NUP85: variants seen among roughly 807,000 people sequenced by gnomAD.
NUP85 encodes the protein nucleoporin 85, also known as nuclear pore complex protein Nup85.
Under a neutral mutation model 92.8 loss-of-function variants are expected in NUP85, and 23 were observed. That is an observed-to-expected ratio of 0.25 (90% CI 0.18 to 0.35). The LOEUF is 0.35. Ranked by LOEUF, NUP85 falls within the 10% of genes least tolerant of loss-of-function variation. The pLI is 1.00. For missense variants in NUP85, 759 were observed against 822.8 expected (o/e 0.92, Z 0.95); for synonymous variants, 314 against 306.9 (o/e 1.02, Z -0.24).
At chr17:75,206,212 G>C (rs1435485775) in intron 1 of NUP85, among the ~76,000 whole-genome samples, 1 of 152,136 alleles carries the variant, frequency 6.6e-6, no homozygotes, top group African/African-American at 2.4e-5. Context: ...TATCTCAGGA[G>C]ACTATTCCTG....
At chr17:75,212,548 G>A (rs2075310167) in intron 4 of NUP85, among the ~76,000 whole-genome samples, 1 of 146,584 alleles carries the variant, frequency 6.8e-6, no homozygotes, top group Non-Finnish European at 1.5e-5. Flanking sequence ...GCTCACTGCA[G>A]TCATGAGCTC....
chr17:75,225,746 A>C lies in NUP85; in HGVS notation c.904A>C (p.Ser302Arg), dbSNP rs1397311985. ...CTTGTTAGAGCAGAAGGAACTTCTGAGTAATTGGTATCATTTCCTAGTGAC... is the reference window on the plus strand; with the variant it reads ...CTTGTTAGAGCAGAAGGAACTTCTGCGTAATTGGTATCATTTCCTAGTGAC... ...AALLEQKELL[S>R]NWYHFLVTRL... Residue 302 changes from serine to arginine, a missense_variant, in exon 10 of 19, where the codon AGT becomes CGT. Coordinates refer to ENST00000245544, the MANE Select transcript of NUP85 (RefSeq NM_024844.5). 6.2e-7 allele frequency: 1 copy of C among 1,613,810 alleles called. No homozygotes were observed. The highest frequency in any genetic ancestry group is 1.7e-5 in the Admixed American group (1 of 59,998).
chr17:75,220,356 C>T (rs984456709), intron 7 of NUP85, among the ~76,000 whole-genome samples: 3 of 151,824 alleles, frequency 2.0e-5, no homozygotes, highest in Admixed American at 6.6e-5. Flanking sequence ...AACTCCTGAC[C>T]TTGTGATTCA....
intron 7 of NUP85, among the ~76,000 whole-genome samples, chr17:75,222,207 A>G (rs1309115310): frequency 6.6e-6 from 1 of 152,010 alleles, no homozygotes; most frequent in Non-Finnish European, 1.5e-5. Context: ...ACCATGTCCA[A>G]CTAATTTTTG....
chr17:75,231,910 C>T lies in NUP85; in HGVS notation c.1327C>T (p.Pro443Ser). Residue 443 changes from proline (P) to serine (S), a missense_variant, in exon 14 of 19, where the codon CCT becomes TCT. Pro to Ser is a moderately conservative substitution (Grantham distance 74). Transcript: ENST00000245544. This position sits in a 1 kb window ranked among gnomAD's most constrained non-coding sequence, Gnocchi z 4.6. The stretch of plus-strand genomic sequence containing the variant: ...CCTGGAGCTGCACATTGAGCGGATA[C>T]CTCTGAACACCGAGCAGAAAGCCCT... Reference protein sequence around the residue: ...VSLELHIERIPLNTEQKALKV... With the variant: ...VSLELHIERISLNTEQKALKV... 6.2e-7 allele frequency: 1 copy of T among 1,614,198 alleles called. No individual in the cohort carries two copies. The highest frequency in any genetic ancestry group is 1.1e-5 in the South Asian group (1 of 91,080).
chr17:75,234,471 C>T (rs2076243742), intron 16 of NUP85, among the ~76,000 whole-genome samples, 166 bp from the exon 17 acceptor site: 1 of 152,146 alleles, frequency 6.6e-6, no homozygotes, highest in Admixed American at 6.5e-5. Context: ...TGGTCTGCAT[C>T]TCATTGGGAC....
intron 2 of NUP85, 131 bp downstream of exon 2, chr17:75,208,751 T>G: frequency 1.4e-6 from 1 of 696,448 alleles, no homozygotes; most frequent in Non-Finnish European, 2.6e-6. Flanking sequence ...TTTCTCTATT[T>G]TGTTTTCAAG....
At chr17:75,230,383 G>T (rs541973979) in intron 11 of NUP85, among the ~76,000 whole-genome samples, 1 of 123,748 alleles carries the variant, frequency 8.1e-6, no homozygotes, top group African/African-American at 3.4e-5. Context: ...TTTTTGAGAT[G>T]GAGTCTCACT....
At chr17:75,225,021 G>A (rs2075733771) in intron 7 of NUP85, 82 bp from the exon 8 acceptor site, 1 of 1,431,976 alleles carries the variant, frequency 7.0e-7, no homozygotes, top group Non-Finnish European at 9.3e-7. Context: ...AAGCCAAAGT[G>A]TGGGGTGAGG....
intron 17 of NUP85, 66 bp downstream of exon 17, chr17:75,234,854 T>C: frequency 6.4e-7 from 1 of 1,573,592 alleles, no homozygotes; most frequent in Non-Finnish European, 8.7e-7. Flanking sequence ...GTTGTATAGC[T>C]GTTGCCGATG....
chr17:75,226,564 G>C (rs1174062371), intron 11 of NUP85, among the ~76,000 whole-genome samples: 1 of 152,048 alleles, frequency 6.6e-6, no homozygotes, highest in African/African-American at 2.4e-5. Flanking sequence ...ACCTCTTAGA[G>C]GCCCTACCTC....
intron 11 of NUP85, among the ~76,000 whole-genome samples, chr17:75,227,338 T>G (rs1335738421): frequency 5.4e-5 from 8 of 146,826 alleles, no homozygotes; most frequent in African/African-American, 1.5e-4. Context: ...TTTTTTTTTT[T>G]TTTTTTTTTT....
At position 75,225,098 on chromosome 17, in the gene NUP85, C is replaced by T. The variant is rs774384243; in HGVS notation, c.598-5C>T. 2 of 1,547,330 alleles carry T rather than the reference C, an allele frequency of 1.3e-6. No homozygotes were observed. The highest frequency in any genetic ancestry group is 1.7e-6 in the Non-Finnish European group (2 of 1,144,812). ...CAATGCTTATGGGCCCGGATCTCCTCCCAGGTGACCATCTTGGTGCTGCAG... is the reference window on the plus strand; with the variant it reads ...CAATGCTTATGGGCCCGGATCTCCTTCCAGGTGACCATCTTGGTGCTGCAG... On this transcript the variant is annotated splice_polypyrimidine_tract_variant and splice_region_variant and intron_variant, in intron 7 of 18. Coordinates refer to ENST00000245544, the MANE Select transcript of NUP85 (RefSeq NM_024844.5).
chr17:75,228,532 T>C (rs1169345197), intron 11 of NUP85: 1 of 985,254 alleles, frequency 1.0e-6, no homozygotes, highest in Non-Finnish European at 1.2e-6. Context: ...TTTTAGGAAG[T>C]GTGCCCTCCT....
At chr17:75,222,516 T>C (rs956755450) in intron 7 of NUP85, among the ~76,000 whole-genome samples, 1 of 147,534 alleles carries the variant, frequency 6.8e-6, no homozygotes, top group African/African-American at 2.5e-5. Flanking sequence ...TTTTTTTTTT[T>C]TTTTTTTTGA....
At chr17:75,216,238 G>A (rs2075426756) in intron 6 of NUP85, 1 of 162,234 alleles carries the variant, frequency 6.2e-6, no homozygotes, top group Non-Finnish European at 1.3e-5. Flanking sequence ...CAATGGGTAT[G>A]AACTCTGCCA....
chr17:75,225,919 A>G, intron 10 of NUP85, 90 bp downstream of exon 10: 1 of 1,596,328 alleles, frequency 6.3e-7, no homozygotes, highest in Non-Finnish European at 8.6e-7. Context: ...CCTGAGGAAC[A>G]GGAAGACCCT....
At position 75,228,747 on chromosome 17, in the gene NUP85, A is replaced by G. The variant is rs940323264; in HGVS notation, c.1094+2590A>G. On this transcript the variant is annotated intron_variant, in intron 11 of 18. Transcript: ENST00000245544. Reference sequence around the variant, plus strand: ...CCTTTCCTGTTCACACCACCTTCATATGAACATGGAGAAGGGAGGTTTCTA... The same window carrying G: ...CCTTTCCTGTTCACACCACCTTCATGTGAACATGGAGAAGGGAGGTTTCTA... 4.1e-6 allele frequency: 4 copies of G among 985,240 alleles called. No individual in the cohort carries two copies. In the African/African-American group the frequency reaches 7.0e-5, roughly 17 times the overall value. The allele number at this position is 985,240 out of a possible 1,614,324, so 61.0% of individuals were successfully genotyped here.
At chr17:75,221,817 A>G (rs983442667) in intron 7 of NUP85, among the ~76,000 whole-genome samples, 12 of 152,182 alleles carry the variant, frequency 7.9e-5, no homozygotes. Context: ...AGACTACAGC[A>G]AGGATGGAAA....
Sources: gnomAD v4.1 joint callset for allele counts (sites outside exome capture counted in the v4.1 genomes callset) on GRCh38, gnomAD v4.1.1 for gene constraint, Gnocchi (gnomAD v3.1) non-coding constraint, MANE v1.5 for transcripts, NCBI Gene and HGNC (gene_info 2026-07-23, HGNC 2026-07-21) for gene names.